FIRRM: variants seen among roughly 807,000 people sequenced by gnomAD.
FIRRM encodes FIGNL1-interacting regulator of recombination and mitosis.
the FIRRM span, chr1:169,827,760 C>G: frequency 6.2e-7 from 1 of 1,613,998 alleles, no homozygotes; most frequent in Non-Finnish European, 8.5e-7. Context: ...TGGTTGTTGT[C>G]ATGGATAAGC....
the FIRRM span, chr1:169,836,850 A>G: frequency 9.7e-7 from 1 of 1,027,782 alleles, no homozygotes; most frequent in East Asian, 2.6e-5. Flanking sequence ...AAATGTGGAA[A>G]CTAATACTTA....
the FIRRM span, among the ~76,000 whole-genome samples, chr1:169,828,729 T>C: frequency 6.6e-6 from 1 of 152,058 alleles, no homozygotes; most frequent in Non-Finnish European, 1.5e-5. Flanking sequence ...TTAAATTTTT[T>C]CTAGGGATAA....
chr1:169,838,661 T>C, the FIRRM span, among the ~76,000 whole-genome samples: 17 of 152,092 alleles, frequency 1.1e-4, no homozygotes, highest in African/African-American at 4.1e-4. Flanking sequence ...GGCTCATTTT[T>C]GTATTTTTAG....
At chr1:169,808,608 GTT>G in the FIRRM span, among the ~76,000 whole-genome samples, 1 of 142,388 alleles carries the variant, frequency 7.0e-6, no homozygotes. Context: ...TATGTCATTT[GTT>G]TTTTTTTTTT....
At chr1:169,800,908 G>A in the FIRRM span, 7 of 1,589,290 alleles carry the variant, frequency 4.4e-6, no homozygotes, top group African/African-American at 8.1e-5. Context: ...TTGTAGAAAT[G>A]TTTTTACCTC....
chr1:169,795,027 A>G, the FIRRM span: 1 of 1,164,956 alleles, frequency 8.6e-7, no homozygotes, highest in Non-Finnish European at 1.2e-6. Context: ...GAGAGCGCGC[A>G]AGGGTTGGCG....
At chr1:169,850,071 A>G in the FIRRM span, 1 of 575,974 alleles carries the variant, frequency 1.7e-6, no homozygotes, top group Non-Finnish European at 3.1e-6. Flanking sequence ...TAAAGCTTAC[A>G]ACACTTGTAC....
chr1:169,830,585 A>C, the FIRRM span: 1 of 1,056,202 alleles, frequency 9.5e-7, no homozygotes, highest in South Asian at 1.4e-5. Context: ...TCATGGAAAT[A>C]ATGGCAGTTT....
chr1:169,803,008 G>A, the FIRRM span, among the ~76,000 whole-genome samples: 2 of 152,228 alleles, frequency 1.3e-5, no homozygotes, highest in Non-Finnish European at 2.9e-5. Context: ...TGGCTAGACA[G>A]TTGTTCCAGT....
the FIRRM span, chr1:169,853,144 C>A: frequency 1.4e-6 from 1 of 740,314 alleles, no homozygotes; most frequent in South Asian, 1.9e-5. Context: ...GGGGAATATT[C>A]TTATTAAGAA....
chr1:169,804,132 C>T, the FIRRM span: 5 of 1,585,502 alleles, frequency 3.2e-6, no homozygotes, highest in African/African-American at 5.4e-5. Context: ...TCTCCAGGCT[C>T]TTTTCAAGGA....
At chr1:169,813,987 C>T in the FIRRM span, among the ~76,000 whole-genome samples, 3 of 152,166 alleles carry the variant, frequency 2.0e-5, no homozygotes, top group African/African-American at 7.2e-5. Context: ...ACAAGAATGA[C>T]TCAATTTTTG....
the FIRRM span, chr1:169,853,160 G>A: frequency 1.5e-6 from 1 of 663,598 alleles, no homozygotes. Context: ...AAGAACTTTG[G>A]TACAATGTAC....
the FIRRM span, among the ~76,000 whole-genome samples, chr1:169,825,560 T>C: frequency 6.6e-6 from 1 of 152,238 alleles, no homozygotes; most frequent in African/African-American, 2.4e-5. Flanking sequence ...AAAAATAAAT[T>C]CTTGCAATGA....
the FIRRM span, chr1:169,850,385 ATT>A: frequency 3.8e-5 from 43 of 1,128,994 alleles, no homozygotes; most frequent in African/African-American, 6.5e-5. Flanking sequence ...TCTTTGTCCT[ATT>A]TTTTTTTTTC....
the FIRRM span, chr1:169,852,188 C>G: frequency 1.9e-6 from 1 of 517,266 alleles, no homozygotes; most frequent in Non-Finnish European, 3.4e-6. Flanking sequence ...CATATTGTAC[C>G]AGTGATGCTA....
the FIRRM span, chr1:169,852,438 A>ATAAGT: frequency 3.6e-5 from 10 of 280,244 alleles, 1 homozygote; most frequent in South Asian, 4.6e-4. Context: ...CAACATTCTG[A>ATAAGT]TAAGTTTTAG....
the FIRRM span, chr1:169,836,803 A>G: frequency 1.6e-6 from 1 of 624,792 alleles, no homozygotes; most frequent in Non-Finnish European, 2.7e-6. Flanking sequence ...TGGAATGTAG[A>G]TATTACCGTA....
At chr1:169,802,152 G>C in the FIRRM span, among the ~76,000 whole-genome samples, 2 of 152,114 alleles carry the variant, frequency 1.3e-5, no homozygotes, top group Non-Finnish European at 2.9e-5. Flanking sequence ...CTTAATTCAG[G>C]AAGGTTAGCT....
Sources: allele counts gnomAD v4.1 joint callset (sites outside exome capture counted in the v4.1 genomes callset), GRCh38; gene constraint gnomAD v4.1.1; transcripts MANE v1.5; gene names NCBI Gene and HGNC (gene_info 2026-07-23, HGNC 2026-07-21).